Variants in RNF11 observed in about 807,000 individuals in gnomAD.
The protein encoded by RNF11 is ring finger protein 11.
Under a neutral mutation model 15.8 loss-of-function variants are expected in RNF11, and 4 were observed. That is an observed-to-expected ratio of 0.25 (90% CI 0.12 to 0.58). RNF11 has a LOEUF of 0.58. Ranked by LOEUF, RNF11 falls within the 20% of genes least tolerant of loss-of-function variation. The pLI is 0.91. For synonymous variants in RNF11, 68 were observed against 72.3 expected (o/e 0.94, Z 0.30); for missense variants, 139 against 194.4 (o/e 0.71, Z 1.70).
chr1:51,270,411 G>A lies in RNF11; in HGVS notation c.293+286G>A, dbSNP rs145696904. On this transcript the variant is annotated intron_variant, in intron 2 of 2. Transcript: ENST00000242719. ...GGGGATCACTTGAGGCCAGGAGTTC[G>A]AGACCAACCTGGCCAACATGGTGAA... Among the ~76,000 whole-genome samples the A allele has an allele frequency of 8.5e-3, 1,295 of 151,970 alleles. 23 individuals are homozygous for A. Among genetic ancestry groups the A allele is most frequent in the African/African-American group, 0.03 (1,245 of 41,430 alleles).
At chr1:51,262,030 G>A (rs1646932801) in intron 1 of RNF11, among the ~76,000 whole-genome samples, 1 of 152,100 alleles carries the variant, frequency 6.6e-6, no homozygotes. Flanking sequence ...AATTTTTTCT[G>A]TTTTAGTAGA....
At chr1:51,250,983 C>T (rs574807878) in intron 1 of RNF11, 64 of 1,375,708 alleles carry the variant, frequency 4.7e-5, no homozygotes, top group African/African-American at 3.7e-4. Context: ...GTAGCCTCTG[C>T]GCACGGGGAC....
At chr1:51,257,126 T>G (rs527967259) in intron 1 of RNF11, among the ~76,000 whole-genome samples, 18 of 152,288 alleles carry the variant, frequency 1.2e-4, no homozygotes, top group Admixed American at 7.8e-4. Flanking sequence ...TCTCAGTGCT[T>G]CTCAGTACCT....
At chr1:51,246,290 G>A (rs551368942) in intron 1 of RNF11, among the ~76,000 whole-genome samples, 5 of 151,862 alleles carry the variant, frequency 3.3e-5, no homozygotes, top group Non-Finnish European at 5.9e-5. Context: ...AAAAGAAGAC[G>A]ACAGGCTGTG....
intron 1 of RNF11, among the ~76,000 whole-genome samples, chr1:51,256,425 T>C (rs1646904723): frequency 6.6e-6 from 1 of 152,236 alleles, no homozygotes. Flanking sequence ...TGAATAACAT[T>C]CCATTTGCAT....
intron 1 of RNF11, among the ~76,000 whole-genome samples, chr1:51,246,990 A>AAAAC (rs1470535512): frequency 6.6e-6 from 1 of 151,734 alleles, no homozygotes; most frequent in African/African-American, 2.4e-5. Context: ...AAAAAAAAAA[A>AAAAC]AAAAAAGGAA....
At position 51,271,477 on chromosome 1, in the gene RNF11, C is replaced by A; in HGVS notation, c.*155C>A. 1.8e-6 allele frequency: 1 copy of A among 567,838 alleles called. No homozygotes were observed. Among genetic ancestry groups the A allele is most frequent in the Non-Finnish European group, 3.0e-6 (1 of 329,896 alleles). 35.2% of individuals were successfully genotyped at this position (567,838 alleles called of 1,614,324 possible). A position where few individuals can be genotyped will look rare whatever the true frequency, so the allele number is the denominator to read the frequency against. On this transcript the variant is annotated 3_prime_UTR_variant, in exon 3 of 3. Coordinates refer to ENST00000242719, the MANE Select transcript of RNF11 (RefSeq NM_014372.5). ...GCTGCAGATGTTGGGGGAAAAAGTA[C>A]GTGATATTTTAGAAACTTAGTGGGA...
At chr1:51,243,265 A>T (rs1646838329) in intron 1 of RNF11, among the ~76,000 whole-genome samples, 1 of 152,188 alleles carries the variant, frequency 6.6e-6, no homozygotes, top group Non-Finnish European at 1.5e-5. Flanking sequence ...TTGATGATAG[A>T]CTAAATTAGA....
chr1:51,264,497 C>T (rs1646946682), intron 1 of RNF11, among the ~76,000 whole-genome samples: 1 of 151,626 alleles, frequency 6.6e-6, no homozygotes, highest in African/African-American at 2.4e-5. Flanking sequence ...CTAAATCCTC[C>T]ATTTTATGGT....
At chr1:51,270,892 T>C (rs1646975256) in intron 2 of RNF11, among the ~76,000 whole-genome samples, 2 of 152,240 alleles carry the variant, frequency 1.3e-5, no homozygotes, top group Admixed American at 6.5e-5. Context: ...AGCAGTAGAT[T>C]TGATGCATAT....
intron 1 of RNF11, among the ~76,000 whole-genome samples, chr1:51,267,871 C>T (rs916440197): frequency 6.6e-6 from 1 of 152,198 alleles, no homozygotes; most frequent in African/African-American, 2.4e-5. Flanking sequence ...GCTGGGATTA[C>T]AGGCGTGCAC....
rs55959815 is a variant in RNF11, at chr1:51,271,239, G to A, written c.382G>A (p.Asp128Asn). 1.2e-6 allele frequency: 2 copies of A among 1,614,088 alleles called. No individual in the cohort carries two copies. The highest frequency in any genetic ancestry group is 2.2e-5 in the South Asian group (2 of 91,086). Reference protein sequence around the residue: ...MHIYHLDCIDDWLMRSFTCPS... With the variant: ...MHIYHLDCIDNWLMRSFTCPS... ...CATCTATCACCTGGACTGTATAGAT[G>A]ACTGGTTGATGAGATCCTTCACGTG... The change falls in exon 3 of 3, where the codon GAC (aspartate) becomes AAC (asparagine). Residue 128 changes from aspartate to asparagine, a missense_variant. Asp to Asn is a conservative substitution (Grantham distance 23, BLOSUM62 1). Coordinates refer to ENST00000242719, the MANE Select transcript of RNF11 (RefSeq NM_014372.5).
At chr1:51,252,979 A>C (rs531013362) in intron 1 of RNF11, among the ~76,000 whole-genome samples, 1 of 151,550 alleles carries the variant, frequency 6.6e-6, no homozygotes, top group South Asian at 2.1e-4. Context: ...GGCGCCCACC[A>C]CGCGCGGCTA....
At chr1:51,245,488 A>G (rs1417904952) in intron 1 of RNF11, among the ~76,000 whole-genome samples, 1 of 151,308 alleles carries the variant, frequency 6.6e-6, no homozygotes, top group African/African-American at 2.4e-5. Context: ...GTCTTACTCC[A>G]TCGCCCAGGC....
chr1:51,238,535 A>G (rs984660076), intron 1 of RNF11, among the ~76,000 whole-genome samples: 2 of 152,138 alleles, frequency 1.3e-5, no homozygotes, highest in Admixed American at 1.3e-4. Flanking sequence ...TGAATTAATT[A>G]ATGAAGTTGA....
intron 1 of RNF11, among the ~76,000 whole-genome samples, chr1:51,255,253 C>G (rs959891694): frequency 4.6e-5 from 7 of 152,042 alleles, no homozygotes; most frequent in Non-Finnish European, 8.8e-5. Context: ...AAGTTTGTTA[C>G]ATTTAATTTT....
At chr1:51,240,776 G>T (rs750539192) in intron 1 of RNF11, among the ~76,000 whole-genome samples, 2 of 151,896 alleles carry the variant, frequency 1.3e-5, no homozygotes, top group Non-Finnish European at 2.9e-5. Context: ...TTGTGACTGG[G>T]CCTCCCTGTG....
intron 1 of RNF11, among the ~76,000 whole-genome samples, chr1:51,246,301 T>C (rs1192345335): frequency 2.0e-5 from 3 of 151,934 alleles, no homozygotes; most frequent in Non-Finnish European, 4.4e-5. Context: ...ACAGGCTGTG[T>C]GCAGTGGCTC....
intron 1 of RNF11, among the ~76,000 whole-genome samples, chr1:51,240,908 T>C (rs72896452): frequency 0.022 from 3,282 of 152,192 alleles, 105 homozygotes; most frequent in African/African-American, 0.067. Context: ...GCTCTGCCTC[T>C]TGGGTTCAAG....
Sources: allele counts gnomAD v4.1 joint callset (sites outside exome capture counted in the v4.1 genomes callset), GRCh38; gene constraint gnomAD v4.1.1; transcripts MANE v1.5; gene names NCBI Gene and HGNC (gene_info 2026-07-23, HGNC 2026-07-21).